The following C8B variants were observed in gnomAD, a reference collection of about 807,000 sequenced individuals.
The protein encoded by C8B is complement component C8 beta chain.
Under a neutral mutation model 64.6 loss-of-function variants are expected in C8B, and 67 were observed. The ratio of observed to expected loss-of-function variants is 1.04; its 90% CI spans 0.85 to 1.27. The LOEUF (loss-of-function observed/expected upper bound fraction) is 1.27. Among genes scored for constraint, C8B ranks in the 50% most tolerant of loss-of-function variants. C8B has a pLI of 0.00. For missense variants in C8B, 790 were observed against 725.2 expected (o/e 1.09, Z -1.03); for synonymous variants, 284 against 257.7 (o/e 1.10, Z -0.98).
Position 56,964,212 on chromosome 1 carries a change from C to A in C8B, c.92+1645G>T, listed in dbSNP as rs1262265415. ...ATTTCTCAGACTGCACTCTAATCAA[C>A]AATTTGCCCCTCCACTCCCTACCTC... On this transcript the variant is annotated intron_variant, in intron 1 of 11. Transcript: ENST00000371237. 2.0e-5 allele frequency among the ~76,000 whole-genome samples: 3 copies of A among 152,188 alleles called. No individual in the cohort carries two copies. In the East Asian group the frequency reaches 5.8e-4, roughly 29 times the overall value.
At chr1:56,957,375 A>G (rs1195999228) in intron 2 of C8B, among the ~76,000 whole-genome samples, 1 of 152,252 alleles carries the variant, frequency 6.6e-6, no homozygotes, top group Non-Finnish European at 1.5e-5. Context: ...TTATAAATGC[A>G]AAAACATGGG....
At position 56,945,996 on chromosome 1, in the gene C8B, G is replaced by A. The variant is rs141429572; in HGVS notation, c.930C>T (p.Ser310=). 6.3e-5 allele frequency: 102 copies of A among 1,614,128 alleles called. No homozygotes were observed. The highest frequency in any genetic ancestry group is 2.9e-4 in the South Asian group (26 of 91,074). ...GAAGGAACTCGTAATGGAGCATGAG[G>A]CTTCTGGGTTTCAGCTTGTAATGTG... is the stretch of plus-strand genomic sequence containing the variant. ...EVAHYKLKPR[S]LMLHYEFLQR... Residue 310 remains serine (S), a synonymous_variant, in exon 7 of 12, where the codon AGC becomes AGT. Coordinates refer to ENST00000371237, the MANE Select transcript of C8B (RefSeq NM_000066.4).
rs1226045368 is a variant in C8B, at chr1:56,933,276, C to T, written c.1552+59G>A. 264 of 1,460,820 alleles carry T rather than the reference C, an allele frequency of 1.8e-4. 2 individuals are homozygous for T. Among genetic ancestry groups the T allele is most frequent in the Non-Finnish European group, 5.8e-6 (6 of 1,041,800 alleles). 90.5% of individuals were successfully genotyped at this position (1,460,820 alleles called of 1,614,324 possible). A position where few individuals can be genotyped will look rare whatever the true frequency, so the allele number is the denominator to read the frequency against. ...AAACAGAAGCAGGCAAATGGCTGGC[C>T]CCCGGCCTGCTTCAGATTATGGCTT... On this transcript the variant is annotated intron_variant, in intron 10 of 11. Coordinates refer to ENST00000371237, the MANE Select transcript of C8B (RefSeq NM_000066.4).
chr1:56,944,549 G>C (rs1644913952), intron 7 of C8B, among the ~76,000 whole-genome samples: 1 of 152,230 alleles, frequency 6.6e-6, no homozygotes, highest in Non-Finnish European at 1.5e-5. Context: ...CAGATGTTAT[G>C]AGAAAAGGAA....
chr1:56,963,086 T>C (rs1645201193), intron 1 of C8B, among the ~76,000 whole-genome samples: 1 of 152,198 alleles, frequency 6.6e-6, no homozygotes, highest in South Asian at 2.1e-4. Flanking sequence ...GCTCAGCTCC[T>C]TGAACATGTG....
chr1:56,929,222 C>A lies in C8B; in HGVS notation c.*182G>T, dbSNP rs1273832364. 1.5e-6 allele frequency: 1 copy of A among 659,458 alleles called. No homozygotes were observed. The highest frequency in any genetic ancestry group is 2.7e-6 in the Non-Finnish European group (1 of 368,570). The allele number at this position is 659,458 out of a possible 1,614,324, so 40.9% of individuals were successfully genotyped here. On this transcript the variant is annotated 3_prime_UTR_variant, in exon 12 of 12. Coordinates refer to ENST00000371237, the MANE Select transcript of C8B (RefSeq NM_000066.4). Reference sequence around the variant, plus strand: ...ATTACAAAGATGCTTAAGCCTTTAACTCAGTATTTATTTAAATCAACTTGC... The same window carrying A: ...ATTACAAAGATGCTTAAGCCTTTAAATCAGTATTTATTTAAATCAACTTGC...
chr1:56,933,620 A>G (rs1054575547), intron 9 of C8B, 132 bp from the exon 10 acceptor site: 5 of 762,188 alleles, frequency 6.6e-6, no homozygotes, highest in Non-Finnish European at 1.1e-5. Flanking sequence ...AACTAGATGG[A>G]TCTCCCATCT....
chr1:56,952,301 C>G, intron 4 of C8B, 121 bp from the exon 5 acceptor site: 1 of 1,345,694 alleles, frequency 7.4e-7, no homozygotes, highest in African/African-American at 1.4e-5. Flanking sequence ...CCCTTGATAC[C>G]TGGTCCAAGC....
intron 9 of C8B, among the ~76,000 whole-genome samples, chr1:56,935,241 G>A (rs1427151514): frequency 1.3e-5 from 2 of 152,086 alleles, no homozygotes; most frequent in Admixed American, 6.5e-5. Flanking sequence ...GCCAGCTATG[G>A]TTTGACTTGC....
intron 8 of C8B, among the ~76,000 whole-genome samples, chr1:56,942,741 C>G (rs1644881983): frequency 6.6e-6 from 1 of 151,788 alleles, no homozygotes; most frequent in Non-Finnish European, 1.5e-5. Flanking sequence ...CTCCTCAAGT[C>G]TGAGCCTGCA....
chr1:56,946,207 C>T, intron 6 of C8B, 146 bp from the exon 7 acceptor site: 1 of 923,682 alleles, frequency 1.1e-6, no homozygotes, highest in Non-Finnish European at 1.7e-6. Flanking sequence ...GGAAGACAGC[C>T]TCTTTGACAA....
chr1:56,959,586 G>A, intron 2 of C8B: 1 of 1,535,404 alleles, frequency 6.5e-7, no homozygotes, highest in Non-Finnish European at 8.7e-7. Flanking sequence ...TCATACAAGT[G>A]TCCATTGTGC....
At position 56,960,172 on chromosome 1, in the gene C8B, C is replaced by A. The variant is rs925973327; in HGVS notation, c.97G>T (p.Glu33Ter). The change falls in exon 2 of 12, where the codon GAA becomes TAA. Residue 33 changes from glutamate to a stop codon, truncating the protein, a stop_gained. Transcript: ENST00000371237. LOFTEE classifies it high-confidence loss of function. The stretch of plus-strand genomic sequence containing the variant: ...TTTGACCCAAAGGAATGTGGCCTTT[C>A]ACCTCTAAAAGTCATTATGAGAGAA... ...GCLSLPGSRGERPHSFGSNAV... is the reference protein window; with the variant it reads ...GCLSLPGSRG 7 of 1,613,988 alleles carry A rather than the reference C, an allele frequency of 4.3e-6. No individual in the cohort carries two copies. Among genetic ancestry groups the A allele is most frequent in the Non-Finnish European group, 5.1e-6 (6 of 1,179,988 alleles).
At chr1:56,954,097 T>C (rs1028816941) in intron 4 of C8B, among the ~76,000 whole-genome samples, 1 of 152,120 alleles carries the variant, frequency 6.6e-6, no homozygotes, top group Non-Finnish European at 1.5e-5. Flanking sequence ...ACCTGCAGGC[T>C]GAGAAGATGC....
Position 56,929,313 on chromosome 1 carries a change from C to T in C8B, c.*91G>A. 1 of 1,391,590 alleles carries T rather than the reference C, an allele frequency of 7.2e-7. No individual in the cohort carries two copies. The highest frequency in any genetic ancestry group is 1.0e-6 in the Non-Finnish European group (1 of 979,148). The allele number at this position is 1,391,590 out of a possible 1,614,324, so 86.2% of individuals were successfully genotyped here. On this transcript the variant is annotated 3_prime_UTR_variant, in exon 12 of 12. Transcript: ENST00000371237. Reference sequence around the variant, plus strand: ...GCACTGCCTTTTGCCCTTGCATGAACTCCAGGTGGAAACTGGTGTAGGGCT... The same window carrying T: ...GCACTGCCTTTTGCCCTTGCATGAATTCCAGGTGGAAACTGGTGTAGGGCT...
intron 11 of C8B, 146 bp from the exon 12 acceptor site, chr1:56,929,704 G>A (rs1644668859): frequency 1.3e-6 from 1 of 772,698 alleles, no homozygotes; most frequent in African/African-American, 1.7e-5. Context: ...CATTGTACTT[G>A]TCATGCTCTT....
At chr1:56,935,434 A>T (rs1241816706) in intron 9 of C8B, among the ~76,000 whole-genome samples, 1 of 151,848 alleles carries the variant, frequency 6.6e-6, no homozygotes, top group African/African-American at 2.4e-5. Flanking sequence ...TCCCCCAAAT[A>T]CACAGTTCTA....
intron 1 of C8B, among the ~76,000 whole-genome samples, chr1:56,960,512 T>TA: frequency 6.6e-6 from 1 of 152,340 alleles, no homozygotes; most frequent in Middle Eastern, 3.4e-3. Flanking sequence ...CTATGGGACT[T>TA]TATCCAGAGG....
intron 9 of C8B, among the ~76,000 whole-genome samples, chr1:56,937,427 T>C (rs1317517017): frequency 6.6e-6 from 1 of 152,216 alleles, no homozygotes; most frequent in Non-Finnish European, 1.5e-5. Context: ...AGGTTGTTTC[T>C]CTGCATCATG....
Sources: gnomAD v4.1 joint callset for allele counts (sites outside exome capture counted in the v4.1 genomes callset) on GRCh38, gnomAD v4.1.1 for gene constraint, MANE v1.5 for transcripts, NCBI Gene and HGNC (gene_info 2026-07-23, HGNC 2026-07-21) for gene names.